The following CFAP61 variants were observed in gnomAD, a reference collection of about 807,000 sequenced individuals.
CFAP61 encodes the protein cilia and flagella associated protein 61.
A neutral mutation model predicts 135.6 loss-of-function variants in CFAP61; 107 were observed. That is an observed-to-expected ratio of 0.79 (90% CI 0.67 to 0.93). The LOEUF (loss-of-function observed/expected upper bound fraction) is 0.93, where lower values mean the gene tolerates loss of function less well. Ranked by LOEUF, CFAP61 falls within the 40% of genes least tolerant of loss-of-function variation. The pLI, the probability that CFAP61 is intolerant of heterozygous loss-of-function variation, is 0.00. For synonymous variants in CFAP61, 575 were observed against 578.5 expected (o/e 0.99, Z 0.09); for missense variants, 1,507 against 1,556.2 (o/e 0.97, Z 0.53).
intron 25 of CFAP61, among the ~76,000 whole-genome samples, chr20:20,338,378 A>ACAG (rs1443603468): frequency 7.9e-5 from 12 of 152,336 alleles, no homozygotes; most frequent in African/African-American, 2.6e-4. Flanking sequence ...CGTGAGTGTC[A>ACAG]GCTGGGGAGC....
intron 9 of CFAP61, among the ~76,000 whole-genome samples, chr20:20,151,846 A>AAAAAAAG (rs2052459061): frequency 1.3e-5 from 2 of 150,846 alleles, no homozygotes; most frequent in Non-Finnish European, 1.5e-5. Context: ...AAAAAAAAAA[A>AAAAAAAG]AAGAAGCTCA....
intron 17 of CFAP61, among the ~76,000 whole-genome samples, chr20:20,210,412 A>T (rs1223915769): frequency 1.3e-5 from 2 of 152,116 alleles, no homozygotes; most frequent in Non-Finnish European, 2.9e-5. Context: ...GACTCAAAAA[A>T]CCTTCTTGCA....
rs780240522 is a variant in CFAP61 at position 20,169,359 on chromosome 20, C to T, written c.1284C>T (p.Thr428=). 1 of 1,613,652 alleles carries T rather than the reference C, an allele frequency of 6.2e-7. No individual in the cohort carries two copies. Among genetic ancestry groups the T allele is most frequent in the South Asian group, 1.1e-5 (1 of 91,026 alleles). ...NFCVISLPHL[T]PEFFLIQNFV... ...GTGTAATTTCTCTGCCCCATCTCAC[C>T]CCCGAGTTCTTCCTCATCCAGAACT... The change falls in exon 13 of 27, where the codon ACC becomes ACT. Residue 428 remains threonine (T), a synonymous_variant. Coordinates refer to ENST00000245957, the MANE Select transcript of CFAP61 (RefSeq NM_015585.4).
intron 8 of CFAP61, among the ~76,000 whole-genome samples, chr20:20,108,334 A>G (rs77955370): frequency 0.011 from 1,713 of 152,306 alleles, 36 homozygotes; most frequent in African/African-American, 0.04. Context: ...ATATGCAAGA[A>G]TTTCACTAAG....
chr20:20,300,807 T>C (rs983843688), intron 25 of CFAP61, among the ~76,000 whole-genome samples: 2 of 152,084 alleles, frequency 1.3e-5, no homozygotes, highest in Admixed American at 6.5e-5. Context: ...GGTTTCACCA[T>C]GTTGGCCAGG....
At chr20:20,240,220 A>G in intron 18 of CFAP61, among the ~76,000 whole-genome samples, 1 of 152,228 alleles carries the variant, frequency 6.6e-6, no homozygotes, top group East Asian at 1.9e-4. Context: ...ATTGTAGTAA[A>G]TGTGCAAGAG....
chr20:20,084,589 G>A (rs1283833771), intron 6 of CFAP61, among the ~76,000 whole-genome samples: 2 of 152,214 alleles, frequency 1.3e-5, no homozygotes, highest in African/African-American at 4.8e-5. Context: ...CAGCAGCCAG[G>A]CTGTGGAGGT....
intron 6 of CFAP61, among the ~76,000 whole-genome samples, chr20:20,082,752 C>CTA (rs1568858085): frequency 2.6e-5 from 4 of 152,152 alleles, no homozygotes. Context: ...TGAAAAATCT[C>CTA]TAATCATCAG....
intron 13 of CFAP61, among the ~76,000 whole-genome samples, chr20:20,186,965 C>T (rs142319616): frequency 6.6e-6 from 1 of 152,296 alleles, no homozygotes; most frequent in East Asian, 1.9e-4. Flanking sequence ...GGCAGTCAGT[C>T]TCTCCTTCCC....
At chr20:20,336,312 AATT>A (rs1393650338) in intron 25 of CFAP61, among the ~76,000 whole-genome samples, 2 of 152,208 alleles carry the variant, frequency 1.3e-5, no homozygotes, top group Non-Finnish European at 2.9e-5. Context: ...AGACAAAAGT[AATT>A]ATTTCAGTTT....
chr20:20,162,373 A>G (rs141984828), intron 10 of CFAP61, among the ~76,000 whole-genome samples: 61 of 152,322 alleles, frequency 4.0e-4, no homozygotes, highest in African/African-American at 1.4e-3. Flanking sequence ...AGTCCTCAAT[A>G]CAGAATATTG....
At chr20:20,345,121 G>A (rs2058583045) in intron 26 of CFAP61, among the ~76,000 whole-genome samples, 1 of 152,182 alleles carries the variant, frequency 6.6e-6, no homozygotes, top group South Asian at 2.1e-4. Flanking sequence ...GAAGTGGGTG[G>A]ATAAAGTGGG....
chr20:20,074,342 A>G lies in CFAP61; in HGVS notation c.335A>G (p.Asp112Gly), dbSNP rs780222982. Residue 112 changes from aspartate (D) to glycine (G), a missense_variant, in exon 4 of 27, where the codon GAT (aspartate) becomes GGT (glycine). Coordinates refer to ENST00000245957, the MANE Select transcript of CFAP61 (RefSeq NM_015585.4). ...TTCATGCACCTCTTTGTGGCCGTGGATGAGTATTCTGTTGGCTGTTGCAAA... is the reference window on the plus strand; with the variant it reads ...TTCATGCACCTCTTTGTGGCCGTGGGTGAGTATTCTGTTGGCTGTTGCAAA... Reference protein sequence around the residue: ...TLFMHLFVAVDEYSVGCCKEI... With the variant: ...TLFMHLFVAVGEYSVGCCKEI... 1.2e-6 allele frequency: 2 copies of G among 1,614,154 alleles called. No homozygotes were observed. The highest frequency in any genetic ancestry group is 1.7e-6 in the Non-Finnish European group (2 of 1,180,020).
chr20:20,158,820 A>ATGTG (rs1569028520), intron 9 of CFAP61, among the ~76,000 whole-genome samples: 9 of 151,846 alleles, frequency 5.9e-5, no homozygotes, highest in Non-Finnish European at 1.2e-4. Flanking sequence ...TCTTGATCAC[A>ATGTG]GTGATATTTT....
At chr20:20,077,595 G>A (rs1235070517) in intron 6 of CFAP61, among the ~76,000 whole-genome samples, 4 of 152,238 alleles carry the variant, frequency 2.6e-5, no homozygotes, top group African/African-American at 9.6e-5. Flanking sequence ...AAGTGGTTGG[G>A]CTACAGCTTG....
chr20:20,111,328 C>T (rs887529604), intron 8 of CFAP61, among the ~76,000 whole-genome samples: 2 of 152,044 alleles, frequency 1.3e-5, no homozygotes, highest in African/African-American at 2.4e-5. Flanking sequence ...AACTTGCTAC[C>T]GGATTTCACC....
At chr20:20,177,984 G>A (rs1395708546) in intron 13 of CFAP61, among the ~76,000 whole-genome samples, 1 of 152,124 alleles carries the variant, frequency 6.6e-6, no homozygotes, top group Admixed American at 6.5e-5. Flanking sequence ...GGGATGAATT[G>A]TTTCTGCTCT....
intron 19 of CFAP61, among the ~76,000 whole-genome samples, chr20:20,249,225 A>C (rs918088259): frequency 2.8e-4 from 43 of 152,254 alleles, no homozygotes; most frequent in African/African-American, 8.9e-4. Context: ...AGTAATATCC[A>C]GAATGGGTAG....
intron 21 of CFAP61, among the ~76,000 whole-genome samples, chr20:20,268,970 G>A (rs933796999): frequency 6.6e-6 from 1 of 151,550 alleles, no homozygotes; most frequent in Admixed American, 6.6e-5. Context: ...ATGCATCATC[G>A]AACAGAGGCT....
Sources: gnomAD v4.1 joint callset for allele counts (sites outside exome capture counted in the v4.1 genomes callset) on GRCh38, gnomAD v4.1.1 for gene constraint, MANE v1.5 for transcripts, NCBI Gene and HGNC (gene_info 2026-07-23, HGNC 2026-07-21) for gene names.